The following TMEM132D variants were observed in gnomAD, a reference collection of about 807,000 sequenced individuals.
TMEM132D encodes the protein mature OL transmembrane protein.
TMEM132D carries 21 observed loss-of-function variants against 62.3 expected under a neutral mutation model. The ratio of observed to expected loss-of-function variants is 0.34; its 90% confidence interval spans 0.24 to 0.49. The LOEUF is 0.49. TMEM132D is among the 20% of genes least tolerant of loss of function. TMEM132D has a pLI of 0.99. For synonymous variants in TMEM132D, 621 were observed against 575.6 expected, an observed-to-expected ratio of 1.08 and a Z score of -1.13; for missense variants, 1,346 against 1,402.8, an observed-to-expected ratio of 0.96 and a Z score of 0.65.
At chr12:129,448,393 G>A (rs1301426645) in intron 3 of TMEM132D, among the ~76,000 whole-genome samples, 1 of 151,996 alleles carries the variant, frequency 6.6e-6, no homozygotes, top group Non-Finnish European at 1.5e-5. Flanking sequence ...CCCTCCAGTA[G>A]GCCCCAGTGG....
At chr12:129,762,915 C>T (rs1457288230) in intron 1 of TMEM132D, among the ~76,000 whole-genome samples, 2 of 152,134 alleles carry the variant, frequency 1.3e-5, no homozygotes, top group Non-Finnish European at 2.9e-5. Flanking sequence ...TCTTCCTACA[C>T]CCTGCTTGAA....
chr12:129,756,748 A>G (rs370533746), intron 1 of TMEM132D, among the ~76,000 whole-genome samples: 24 of 152,346 alleles, frequency 1.6e-4, no homozygotes, highest in African/African-American at 5.3e-4. Flanking sequence ...AATTCTCTAA[A>G]GAAGAATTCT....
At chr12:129,257,779 T>G (rs10773626) in intron 4 of TMEM132D, among the ~76,000 whole-genome samples, 105,412 of 151,954 alleles carry the variant, frequency 0.69, 36,722 homozygotes, top group South Asian at 0.73. Context: ...GAGCTTGACC[T>G]ACAGAAGGCA....
chr12:129,072,859 T>A lies in TMEM132D; in HGVS notation c.*1016A>T, dbSNP rs1874117550. ...CCCCTGGTATGGAATTCACCGTGAC[T>A]ACCGCCCATGCCTAGAGACCAGCCT... On this transcript the variant is annotated 3_prime_UTR_variant, in exon 9 of 9. Transcript: ENST00000422113. 1 of 152,238 alleles carries A rather than the reference T, an allele frequency of 6.6e-6. No individual in the cohort carries two copies. Among genetic ancestry groups the A allele is most frequent in the Non-Finnish European group, 1.5e-5 (1 of 68,066 alleles). The allele number at this position is 152,238 out of a possible 1,614,324, so 9.4% of individuals were successfully genotyped here.
At chr12:129,562,352 T>C (rs192172708) in intron 2 of TMEM132D, among the ~76,000 whole-genome samples, 1 of 152,252 alleles carries the variant, frequency 6.6e-6, no homozygotes, top group African/African-American at 2.4e-5. Flanking sequence ...GCAGACCAAG[T>C]TACCCAGCTC....
chr12:129,238,996 G>GTTTTTTT lies in TMEM132D; in HGVS notation c.1300-29340_1300-29334dup, dbSNP rs1555240386. Among the ~76,000 whole-genome samples, 35 of 133,040 alleles carry GTTTTTTT rather than the reference G, an allele frequency of 2.6e-4. 1 individual carries two copies. Among genetic ancestry groups the GTTTTTTT allele is most frequent in the African/African-American group, 9.6e-4 (34 of 35,428 alleles). 87.3% of individuals were successfully genotyped at this position (133,040 alleles called of 152,430 possible). ...TCCTCATCAACATTTGTTATTTTCT[G>GTTTTTTT]TTTTTTTTTTTTTTTTGGACAGTAA... is the stretch of plus-strand genomic sequence containing the variant. On this transcript the variant is annotated intron_variant, in intron 4 of 8. Coordinates refer to ENST00000422113, the MANE Select transcript of TMEM132D (RefSeq NM_133448.3).
chr12:129,186,542 G>A (rs1878227584), intron 5 of TMEM132D, among the ~76,000 whole-genome samples: 2 of 152,124 alleles, frequency 1.3e-5, no homozygotes, highest in Admixed American at 1.3e-4. Flanking sequence ...TGCCTCCTGG[G>A]TCATCAAGCG....
At chr12:129,364,595 T>G (rs779334246) in intron 3 of TMEM132D, among the ~76,000 whole-genome samples, 1 of 152,232 alleles carries the variant, frequency 6.6e-6, no homozygotes, top group Non-Finnish European at 1.5e-5. Flanking sequence ...TAACTGCTAT[T>G]CCCAGGAAAG....
At chr12:129,086,674 A>G (rs1437972518) in intron 5 of TMEM132D, among the ~76,000 whole-genome samples, 2 of 138,480 alleles carry the variant, frequency 1.4e-5, no homozygotes, top group Non-Finnish European at 3.0e-5. Flanking sequence ...CATATAATAT[A>G]TAATACAAAT....
At chr12:129,658,066 G>C (rs2137189088) in intron 2 of TMEM132D, among the ~76,000 whole-genome samples, 1 of 152,304 alleles carries the variant, frequency 6.6e-6, no homozygotes, top group Non-Finnish European at 1.5e-5. Context: ...ATTTCAGCTA[G>C]TAACAAGTGC....
At chr12:129,147,506 A>G (rs1231955925) in intron 5 of TMEM132D, among the ~76,000 whole-genome samples, 1 of 152,102 alleles carries the variant, frequency 6.6e-6, no homozygotes, top group Non-Finnish European at 1.5e-5. Context: ...TGAACACTTC[A>G]TTTAAATGTA....
chr12:129,669,652 C>A (rs1422512604), intron 2 of TMEM132D, among the ~76,000 whole-genome samples: 1 of 151,992 alleles, frequency 6.6e-6, no homozygotes, highest in Admixed American at 6.6e-5. Context: ...TTGTGGTGAG[C>A]CAAGATTATG....
intron 2 of TMEM132D, among the ~76,000 whole-genome samples, chr12:129,697,737 T>C (rs897330888): frequency 2.0e-5 from 3 of 152,212 alleles, no homozygotes; most frequent in Admixed American, 6.5e-5. Flanking sequence ...TGCCAAGACT[T>C]GGAGCCTCAT....
In TMEM132D at chr12:129,398,210, T is replaced by A. The variant is rs1871490072; in HGVS notation, c.1116-60393A>T. 1.3e-5 allele frequency among the ~76,000 whole-genome samples: 2 copies of A among 152,192 alleles called. 1 individual carries two copies. The highest frequency in any genetic ancestry group is 4.1e-4 in the South Asian group (2 of 4,830). On this transcript the variant is annotated intron_variant, in intron 3 of 8. Coordinates refer to ENST00000422113, the MANE Select transcript of TMEM132D (RefSeq NM_133448.3). ...GCTTAAATCATAGAGAAATTTTTTG[T>A]TTAAAAGAAGTCTGGAGATAAATGG...
chr12:129,603,214 T>C (rs148606231), intron 2 of TMEM132D, among the ~76,000 whole-genome samples: 2,450 of 152,266 alleles, frequency 0.016, 61 homozygotes, highest in African/African-American at 0.054. Flanking sequence ...TTTTATGGGT[T>C]TGAACAAATG....
chr12:129,260,752 G>T (rs1880529028), intron 4 of TMEM132D, among the ~76,000 whole-genome samples: 1 of 152,106 alleles, frequency 6.6e-6, no homozygotes, highest in Non-Finnish European at 1.5e-5. Flanking sequence ...ACTTATAAGA[G>T]AGAACATATG....
chr12:129,455,499 A>G (rs1873436851), intron 3 of TMEM132D, among the ~76,000 whole-genome samples: 1 of 152,360 alleles, frequency 6.6e-6, no homozygotes, highest in East Asian at 1.9e-4. Context: ...TTATAATGCA[A>G]TTTGATGACA....
At chr12:129,511,152 C>A (rs1195631450) in intron 3 of TMEM132D, among the ~76,000 whole-genome samples, 1 of 152,076 alleles carries the variant, frequency 6.6e-6, no homozygotes, top group East Asian at 1.9e-4. Flanking sequence ...ACCCACCAAC[C>A]CACCAAGTTC....
chr12:129,577,196 T>A (rs1336270705), intron 2 of TMEM132D, among the ~76,000 whole-genome samples: 1 of 151,822 alleles, frequency 6.6e-6, no homozygotes, highest in African/African-American at 2.4e-5. Flanking sequence ...GGAGATGAAC[T>A]GCCCATGCCA....
Sources: gnomAD v4.1 joint callset for allele counts (sites outside exome capture counted in the v4.1 genomes callset) on GRCh38, gnomAD v4.1.1 for gene constraint, MANE v1.5 for transcripts, NCBI Gene and HGNC (gene_info 2026-07-23, HGNC 2026-07-21) for gene names.